B3GALNT2: variants seen among roughly 807,000 people sequenced by gnomAD.
B3GALNT2 encodes UDP-GalNAc:beta-1,3-N-acetylgalactosaminyltransferase 2.
A neutral mutation model predicts 61.1 loss-of-function variants in B3GALNT2; 53 were observed. That is an observed-to-expected ratio of 0.87 (90% CI 0.70 to 1.09). B3GALNT2 has a LOEUF of 1.09. Ranked by LOEUF, B3GALNT2 falls within the 50% of genes least tolerant of loss-of-function variation. The probability of loss-of-function intolerance (pLI) is 0.00; values close to 1 mark genes in which losing one functional copy is unlikely to be tolerated. For missense variants in B3GALNT2, 544 were observed against 623.0 expected (o/e 0.87, Z 1.35); for synonymous variants, 223 against 237.4 (o/e 0.94, Z 0.56).
chr1:235,442,757 A>C, downstream of B3GALNT2: 77 of 1,063,594 alleles, frequency 7.2e-5, no homozygotes, highest in Non-Finnish European at 9.8e-5. Context: ...TGCACTGAAT[A>C]CCTCTATCAT....
intron 9 of B3GALNT2, 116 bp from the exon 10 acceptor site, chr1:235,454,431 AAAAT>A (rs1185060336): frequency 3.3e-5 from 36 of 1,083,654 alleles, no homozygotes; most frequent in Middle Eastern, 2.7e-4. Context: ...GTGAGGAAAG[AAAAT>A]AAGAAAATTT....
intron 7 of B3GALNT2, chr1:235,465,416 G>A: frequency 1.8e-6 from 1 of 555,796 alleles, no homozygotes; most frequent in Non-Finnish European, 2.9e-6. Context: ...AGGTAAGAAT[G>A]AGGAGTAACT....
At chr1:235,466,965 C>A (rs375529385) in intron 6 of B3GALNT2, among the ~76,000 whole-genome samples, 1 of 152,110 alleles carries the variant, frequency 6.6e-6, no homozygotes, top group South Asian at 2.1e-4. Flanking sequence ...TTAAACAGAT[C>A]TTTTCAGAGT....
chr1:235,441,623 G>C, the B3GALNT2 span: 4 of 597,176 alleles, frequency 6.7e-6, no homozygotes, highest in Non-Finnish European at 1.2e-5. Flanking sequence ...TGGGTAGATA[G>C]AAGATTCTGC....
intron 2 of B3GALNT2, among the ~76,000 whole-genome samples, chr1:235,491,750 A>G (rs560461022): frequency 6.6e-6 from 1 of 152,020 alleles, no homozygotes; most frequent in East Asian, 1.9e-4. Context: ...CCTTCCACTC[A>G]ACCCTCCACA....
downstream of B3GALNT2, among the ~76,000 whole-genome samples, chr1:235,445,426 C>A (rs1004172021): frequency 1.3e-5 from 2 of 152,100 alleles, no homozygotes; most frequent in Admixed American, 6.6e-5. Context: ...CCCAGGAGTT[C>A]GAGACCAGCC....
intron 2 of B3GALNT2, among the ~76,000 whole-genome samples, chr1:235,493,615 T>C (rs2102860895): frequency 6.6e-6 from 1 of 151,916 alleles, no homozygotes; most frequent in Admixed American, 6.6e-5. Context: ...CTGTCCTTAC[T>C]AAAAATACAA....
intron 1 of B3GALNT2, chr1:235,496,428 C>A (rs905941675): frequency 1.3e-4 from 79 of 605,860 alleles, no homozygotes; most frequent in Non-Finnish European, 1.6e-4. Context: ...TAAATAAATT[C>A]AAATTTTCAT....
intron 2 of B3GALNT2, among the ~76,000 whole-genome samples, chr1:235,491,600 A>C (rs1470925575): frequency 1.3e-5 from 2 of 152,008 alleles, no homozygotes; most frequent in Admixed American, 6.6e-5. Flanking sequence ...TGATTCCACT[A>C]TTCTCCAAGT....
chr1:235,453,869 G>A (rs1057079364), intron 10 of B3GALNT2, among the ~76,000 whole-genome samples: 5 of 152,178 alleles, frequency 3.3e-5, no homozygotes, highest in Non-Finnish European at 5.9e-5. Flanking sequence ...CCTTTGAGAG[G>A]TGATTCCTAT....
intron 2 of B3GALNT2, among the ~76,000 whole-genome samples, chr1:235,492,160 A>T (rs1252797582): frequency 1.2e-4 from 19 of 152,242 alleles, no homozygotes; most frequent in Admixed American, 1.2e-3. Flanking sequence ...AATATGCCAT[A>T]ACCACAGAAA....
chr1:235,461,620 G>A (rs867763732), intron 7 of B3GALNT2, among the ~76,000 whole-genome samples: 3 of 144,340 alleles, frequency 2.1e-5, no homozygotes, highest in Non-Finnish European at 3.0e-5. Context: ...AGGTTCAAGC[G>A]ATTCTCCTAC....
intron 3 of B3GALNT2, among the ~76,000 whole-genome samples, chr1:235,485,728 T>A (rs1428458611): frequency 2.6e-5 from 4 of 152,234 alleles, no homozygotes; most frequent in Admixed American, 1.3e-4. Flanking sequence ...GTTCTTTGTA[T>A]CTTTTAGAGC....
chr1:235,448,797 T>C lies in B3GALNT2; in HGVS notation c.*1409A>G. 4 of 1,423,842 alleles carry C rather than the reference T, an allele frequency of 2.8e-6. No homozygotes were observed. Among genetic ancestry groups the C allele is most frequent in the Non-Finnish European group, 4.0e-6 (4 of 1,008,520 alleles). 88.2% of individuals were successfully genotyped at this position (1,423,842 alleles called of 1,614,324 possible). A position where few individuals can be genotyped will look rare whatever the true frequency, so the allele number is the denominator to read the frequency against. ...AATAAAATTTAAAGACCACACTGCTTATCGTGTCTGGGGTTCACCGGAAAT... is the reference window on the plus strand; with the variant it reads ...AATAAAATTTAAAGACCACACTGCTCATCGTGTCTGGGGTTCACCGGAAAT... On this transcript the variant is annotated 3_prime_UTR_variant, in exon 12 of 12. Transcript: ENST00000366600.
At chr1:235,470,476 C>A (rs1408139698) in intron 6 of B3GALNT2, among the ~76,000 whole-genome samples, 1 of 149,286 alleles carries the variant, frequency 6.7e-6, no homozygotes, top group African/African-American at 2.5e-5. Flanking sequence ...CCTGTAGCCC[C>A]AGCTACATGG....
At chr1:235,486,373 T>C (rs1237097542) in intron 3 of B3GALNT2, among the ~76,000 whole-genome samples, 2 of 152,222 alleles carry the variant, frequency 1.3e-5, no homozygotes, top group Non-Finnish European at 2.9e-5. Context: ...CAGATATCCA[T>C]AGTAGAAACC....
At chr1:235,453,891 C>T (rs1285559094) in intron 10 of B3GALNT2, among the ~76,000 whole-genome samples, 3 of 152,162 alleles carry the variant, frequency 2.0e-5, no homozygotes, top group African/African-American at 2.4e-5. Flanking sequence ...CAGAGAATAA[C>T]GTGCTTTTCC....
In B3GALNT2 at chr1:235,450,061, C is replaced by G; in HGVS notation, c.*145G>C. Reference sequence around the variant, plus strand: ...AAATTTGTGCAAACATTAAGAAACACCGCATTGGTTCTGGGTGAAAGTGCC... The same window carrying G: ...AAATTTGTGCAAACATTAAGAAACAGCGCATTGGTTCTGGGTGAAAGTGCC... On this transcript the variant is annotated 3_prime_UTR_variant, in exon 12 of 12. Transcript: ENST00000366600. 1 of 930,908 alleles carries G rather than the reference C, an allele frequency of 1.1e-6. No homozygotes were observed. The highest frequency in any genetic ancestry group is 1.6e-6 in the Non-Finnish European group (1 of 628,356). The allele number at this position is 930,908 out of a possible 1,614,324, so 57.7% of individuals were successfully genotyped here. A position where few individuals can be genotyped will look rare whatever the true frequency, so the allele number is the denominator to read the frequency against.
intron 11 of B3GALNT2, 71 bp from the exon 12 acceptor site, chr1:235,450,411 T>TA: frequency 6.6e-7 from 1 of 1,521,804 alleles, no homozygotes; most frequent in Non-Finnish European, 9.1e-7. Flanking sequence ...AGTATGCACG[T>TA]AGACAGCTTT....
Sources: gnomAD v4.1 joint callset for allele counts (sites outside exome capture counted in the v4.1 genomes callset) on GRCh38, gnomAD v4.1.1 for gene constraint, MANE v1.5 for transcripts, NCBI Gene and HGNC (gene_info 2026-07-23, HGNC 2026-07-21) for gene names.